ANO4: variants seen among roughly 807,000 people sequenced by gnomAD.
ANO4 encodes the protein anoctamin 4.
A neutral mutation model predicts 141.9 loss-of-function variants in ANO4; 69 were observed. The observed-to-expected ratio is 0.49, with a 90% CI of 0.40 to 0.59. The LOEUF is 0.59. ANO4 is among the 20% of genes least tolerant of loss of function. The pLI is 0.00. For missense variants in ANO4, 894 were observed against 1,162.2 expected (o/e 0.77, Z 3.36); for synonymous variants, 350 against 394.3 (o/e 0.89, Z 1.33).
At chr12:100,873,931 C>G (rs911592376) in intron 1 of ANO4, among the ~76,000 whole-genome samples, 7 of 152,222 alleles carry the variant, frequency 4.6e-5, no homozygotes, top group Admixed American at 3.9e-4. Context: ...CTGACCTGCG[C>G]TACCTCAGGA....
intron 3 of ANO4, among the ~76,000 whole-genome samples, chr12:100,936,847 G>A (rs140510586): frequency 2.6e-5 from 4 of 152,244 alleles, no homozygotes; most frequent in African/African-American, 7.2e-5. Context: ...AATCCTCTTC[G>A]CCACCCTGAG....
At chr12:100,737,430 T>G (rs1949286) in intron 2 of ANO4, among the ~76,000 whole-genome samples, 106,830 of 152,086 alleles carry the variant, frequency 0.7, 37,812 homozygotes, top group East Asian at 0.82. Context: ...ACTAGGCAGG[T>G]CTGCGTCCCA....
chr12:100,792,449 C>T (rs532884809), upstream of ANO4, among the ~76,000 whole-genome samples: 2 of 152,244 alleles, frequency 1.3e-5, no homozygotes, highest in South Asian at 4.2e-4. Context: ...CAGTTCAACA[C>T]CAGTGAACAA....
rs565249931 is a variant in ANO4 at position 100,810,984 on chromosome 12, G to A, written c.-141+15957G>A. Among the ~76,000 whole-genome samples, 45 of 152,234 alleles carry A rather than the reference G, an allele frequency of 3.0e-4. No homozygotes were observed. In the Middle Eastern group the frequency reaches 0.01, roughly 35 times the overall value. ...ATTAAATAGGGTCAATCAGAAGTAC[G>A]TAAATGGTGTCTACTCTTGAGCAAT... On this transcript the variant is annotated intron_variant, in intron 1 of 27. Transcript: ENST00000392977.
chr12:101,087,486 G>T (rs2136906233), intron 17 of ANO4, among the ~76,000 whole-genome samples: 1 of 152,084 alleles, frequency 6.6e-6, no homozygotes, highest in East Asian at 1.9e-4. Context: ...CAGGGCCACT[G>T]CACTCAGCCT....
chr12:100,732,904 C>T lies in ANO4; in HGVS notation c.23-870C>T, dbSNP rs866976223. On this transcript the variant is annotated intron_variant, in intron 1 of 29. Transcript: ENST00000644049. ...GTGAGGCTTTGATTTCTTTTGCCCC[C>T]CTCTGCCTAGAACATTTTCTGTTCA... Among the ~76,000 whole-genome samples the T allele has an allele frequency of 3.3e-5, 5 of 152,160 alleles. No homozygotes were observed. The South Asian group carries it at 6.2e-4, about 19-fold the overall frequency.
intron 1 of ANO4, among the ~76,000 whole-genome samples, chr12:100,873,090 C>A (rs1282240996): frequency 6.6e-6 from 1 of 152,174 alleles, no homozygotes; most frequent in Non-Finnish European, 1.5e-5. Flanking sequence ...TTTCTTGAGG[C>A]CTCCCCAGCC....
chr12:101,114,711 T>A (rs1213168752), intron 24 of ANO4, among the ~76,000 whole-genome samples: 1 of 152,012 alleles, frequency 6.6e-6, no homozygotes, highest in Non-Finnish European at 1.5e-5. Flanking sequence ...ACAGCTCAGA[T>A]CTCTAGAAAG....
At chr12:100,929,793 G>T (rs2042016411) in intron 3 of ANO4, among the ~76,000 whole-genome samples, 1 of 152,056 alleles carries the variant, frequency 6.6e-6, no homozygotes, top group Admixed American at 6.6e-5. Context: ...CTGTCTTTTA[G>T]ATAAAAGCCA....
At chr12:101,127,190 A>G (rs1436930810) in intron 27 of ANO4, 116 bp downstream of exon 27, 1 of 1,084,036 alleles carries the variant, frequency 9.2e-7, no homozygotes. Flanking sequence ...TAAACTCCTT[A>G]GAAGCTTCCC....
At chr12:100,983,677 T>C (rs940934509) in intron 7 of ANO4, among the ~76,000 whole-genome samples, 2 of 152,168 alleles carry the variant, frequency 1.3e-5, no homozygotes, top group Non-Finnish European at 2.9e-5. Flanking sequence ...GTCAAGTGCT[T>C]CTCAAACTTT....
chr12:100,968,150 A>G (rs564911808), intron 5 of ANO4, among the ~76,000 whole-genome samples: 3 of 152,320 alleles, frequency 2.0e-5, no homozygotes, highest in African/African-American at 7.2e-5. Context: ...TATCCAGCTG[A>G]ATAAATCAAA....
chr12:100,721,590 C>G (rs2030869032), intron 1 of ANO4, among the ~76,000 whole-genome samples: 1 of 152,088 alleles, frequency 6.6e-6, no homozygotes, highest in Non-Finnish European at 1.5e-5. Flanking sequence ...TTGAAAGGGG[C>G]CAGCATGCTC....
chr12:101,039,753 C>A (rs925123262), intron 10 of ANO4, among the ~76,000 whole-genome samples: 9 of 152,300 alleles, frequency 5.9e-5, no homozygotes, highest in Middle Eastern at 3.4e-3. Context: ...ATAGCAAGCA[C>A]GTGCATTTTA....
At chr12:100,996,451 G>A (rs369988457) in intron 8 of ANO4, among the ~76,000 whole-genome samples, 27 of 152,288 alleles carry the variant, frequency 1.8e-4, no homozygotes, top group South Asian at 4.1e-4. Context: ...TTGGGAGACC[G>A]TAGCAGGTGG....
At position 101,056,362 on chromosome 12, in the gene ANO4, AAT is replaced by A. The variant is rs1555289940; in HGVS notation, c.1312+7963_1312+7964del. Among the ~76,000 whole-genome samples, 27 of 151,844 alleles carry A rather than the reference AAT, an allele frequency of 1.8e-4. No homozygotes were observed. The East Asian group carries it at 5.2e-3, about 29-fold the overall frequency. On this transcript the variant is annotated intron_variant, in intron 14 of 27. Coordinates refer to ENST00000392977, the MANE Select transcript of ANO4 (RefSeq NM_001286615.2). ...TATTGGATTTTTTGAGTTTTTTACA[AAT>A]AGTATTTTTCTGTAATTTCAATTGC...
chr12:100,995,318 C>T (rs1163148400), intron 8 of ANO4, among the ~76,000 whole-genome samples: 1 of 152,136 alleles, frequency 6.6e-6, no homozygotes, highest in Non-Finnish European at 1.5e-5. Flanking sequence ...CTGGGAGAAG[C>T]TCTGATTGTG....
Position 100,932,423 on chromosome 12 carries a change from T to C in ANO4, c.161-6892T>C, listed in dbSNP as rs546012252. ...CAAACTTTGTTCTCTTGCCTGGAAG[T>C]GTGAGGGCTTCCCACTCATGTCATG... On this transcript the variant is annotated intron_variant, in intron 3 of 27. Transcript: ENST00000392977. Among the ~76,000 whole-genome samples, 53 of 152,084 alleles carry C rather than the reference T, an allele frequency of 3.5e-4. No homozygotes were observed. In the South Asian group the frequency reaches 8.7e-3, roughly 25 times the overall value.
intron 5 of ANO4, among the ~76,000 whole-genome samples, chr12:100,963,883 G>A (rs576523933): frequency 3.3e-4 from 50 of 152,258 alleles, no homozygotes; most frequent in African/African-American, 1.2e-3. Context: ...ACCTGTGAGT[G>A]GAAGAAAGAA....
Sources: allele counts gnomAD v4.1 joint callset (sites outside exome capture counted in the v4.1 genomes callset), GRCh38; gene constraint gnomAD v4.1.1; transcripts MANE v1.5; gene names NCBI Gene and HGNC (gene_info 2026-07-23, HGNC 2026-07-21).